The following PARL variants were observed in gnomAD, a reference collection of about 807,000 sequenced individuals.
The protein encoded by PARL is presenilin-associated rhomboid-like protein, mitochondrial.
In PARL, 44 loss-of-function variants were observed where a neutral mutation model predicts 51.6. That is an observed-to-expected ratio of 0.85 (90% CI 0.67 to 1.10). The LOEUF (loss-of-function observed/expected upper bound fraction) is 1.10. Among genes scored for constraint, PARL ranks in the 50% least tolerant of loss-of-function variants. The pLI is 0.00. For missense variants in PARL, 441 were observed against 469.5 expected (o/e 0.94, Z 0.56); for synonymous variants, 172 against 164.0 (o/e 1.05, Z -0.37).
At chr3:183,879,562 C>T (rs986997338) in intron 1 of PARL, 9 of 179,552 alleles carry the variant, frequency 5.0e-5, no homozygotes, top group Non-Finnish European at 8.6e-5. Context: ...TACCTCTACA[C>T]TTTTGAACTT....
chr3:183,826,797 G>A (rs1391374361), downstream of PARL: 1 of 985,170 alleles, frequency 1.0e-6, no homozygotes, highest in East Asian at 1.1e-4. Flanking sequence ...CCACGGCCCT[G>A]GGTTAGCCAG....
At chr3:183,878,027 G>C (rs571759838) in intron 1 of PARL, among the ~76,000 whole-genome samples, 1 of 152,292 alleles carries the variant, frequency 6.6e-6, no homozygotes, top group East Asian at 1.9e-4. Context: ...CTGAGCTCAA[G>C]TGATCCACCC....
intron 1 of PARL, among the ~76,000 whole-genome samples, chr3:183,874,496 C>G (rs1733570348): frequency 6.6e-6 from 1 of 151,496 alleles, no homozygotes; most frequent in Non-Finnish European, 1.5e-5. Flanking sequence ...GCAACCTCCA[C>G]CTCTCGGGTG....
At chr3:183,860,247 G>A (rs1731654472) in intron 4 of PARL, among the ~76,000 whole-genome samples, 1 of 152,126 alleles carries the variant, frequency 6.6e-6, no homozygotes, top group Admixed American at 6.6e-5. Context: ...CCAGGAAGAA[G>A]ACAAGACATA....
intron 9 of PARL, among the ~76,000 whole-genome samples, chr3:183,831,868 G>A (rs1041937930): frequency 2.6e-5 from 4 of 152,174 alleles, no homozygotes; most frequent in African/African-American, 7.2e-5. Context: ...ACAGTAAAGA[G>A]AAAGGATTCC....
chr3:183,866,525 T>G, intron 3 of PARL, 100 bp downstream of exon 3: 2 of 903,502 alleles, frequency 2.2e-6, no homozygotes, highest in Non-Finnish European at 3.7e-6. Context: ...TTACACATTA[T>G]GTGAATGCAT....
chr3:183,867,185 A>C (rs1032461029), intron 2 of PARL, among the ~76,000 whole-genome samples: 2 of 151,912 alleles, frequency 1.3e-5, no homozygotes, highest in African/African-American at 4.8e-5. Context: ...TGCTGGGATT[A>C]CAGGCATGAG....
intron 4 of PARL, chr3:183,862,536 T>A (rs1176861416): frequency 1.1e-5 from 6 of 552,334 alleles, no homozygotes; most frequent in African/African-American, 9.4e-5. Context: ...TCAATCAGTA[T>A]CATACTAAAT....
At chr3:183,854,018 C>G (rs1730854005) in intron 4 of PARL, among the ~76,000 whole-genome samples, 2 of 152,188 alleles carry the variant, frequency 1.3e-5, no homozygotes, top group South Asian at 4.2e-4. Flanking sequence ...GCAAGTGGAT[C>G]ACCTGAGGTC....
At chr3:183,827,906 G>A (rs1383648170), downstream of PARL, among the ~76,000 whole-genome samples, 3 of 152,238 alleles carry the variant, frequency 2.0e-5, no homozygotes, top group Non-Finnish European at 4.4e-5. Flanking sequence ...GAATGAGGGA[G>A]ACGGCAGCCA....
At chr3:183,882,247 A>ATATATATATATATT (rs1734582385) in intron 1 of PARL, among the ~76,000 whole-genome samples, 2 of 23,314 alleles carry the variant, frequency 8.6e-5, no homozygotes, top group Non-Finnish European at 2.2e-4. Context: ...ATATATATTT[A>ATATATATATATATT]TATATATATA....
At chr3:183,831,908 G>A (rs1433865001) in intron 9 of PARL, among the ~76,000 whole-genome samples, 1 of 152,110 alleles carries the variant, frequency 6.6e-6, no homozygotes, top group Non-Finnish European at 1.5e-5. Flanking sequence ...ACTTTAAAAT[G>A]CATTTGATCC....
rs56354792 is a variant in PARL, at chr3:183,836,217, C to CA, written c.829-2393dup. ...GGGCAACAAGAACGAAACTCCATCT[C>CA]AAAAAAAAAAAAAAAAAAAAAAAAA... is the stretch of plus-strand genomic sequence containing the variant. On this transcript the variant is annotated intron_variant, in intron 7 of 9. Transcript: ENST00000317096. Among the ~76,000 whole-genome samples the CA allele has an allele frequency of 7.2e-3, 610 of 84,220 alleles. 14 individuals are homozygous for CA. Among genetic ancestry groups the CA allele is most frequent in the Middle Eastern group, 0.012 (2 of 166 alleles). 55.3% of individuals were successfully genotyped at this position (84,220 alleles called of 152,430 possible). A position where few individuals can be genotyped will look rare whatever the true frequency, so the allele number is the denominator to read the frequency against.
intron 7 of PARL, among the ~76,000 whole-genome samples, chr3:183,834,886 C>CAAAAAAAAA (rs60078452): frequency 1.9e-3 from 208 of 107,906 alleles, no homozygotes; most frequent in African/African-American, 2.7e-3. Flanking sequence ...ACTAAAAATA[C>CAAAAAAAAA]AAAAAAAAAA....
At chr3:183,861,363 C>T (rs894075546) in intron 4 of PARL, 2 of 269,694 alleles carry the variant, frequency 7.4e-6, no homozygotes, top group Non-Finnish European at 1.1e-5. Context: ...GGTGCTGTCA[C>T]AAAATGAAAG....
At chr3:183,877,913 C>T (rs556213018) in intron 1 of PARL, among the ~76,000 whole-genome samples, 1 of 152,158 alleles carries the variant, frequency 6.6e-6, no homozygotes, top group Non-Finnish European at 1.5e-5. Flanking sequence ...GTCTCAGCCT[C>T]CTGAGTAGCT....
At chr3:183,846,582 G>T in intron 4 of PARL, 1 of 984,972 alleles carries the variant, frequency 1.0e-6, no homozygotes, top group South Asian at 4.7e-5. Flanking sequence ...CAATCCAAAC[G>T]CAAGAAGCTT....
intron 2 of PARL, among the ~76,000 whole-genome samples, chr3:183,867,499 G>C (rs949611727): frequency 6.6e-6 from 1 of 152,000 alleles, no homozygotes; most frequent in Non-Finnish European, 1.5e-5. Flanking sequence ...AGGAGATCGA[G>C]ACCATCCTGG....
chr3:183,862,755 G>C lies in PARL; in HGVS notation c.509C>G (p.Thr170Arg), dbSNP rs1731981738. 6.2e-7 allele frequency: 1 copy of C among 1,612,450 alleles called. No individual in the cohort carries two copies. Among genetic ancestry groups the C allele is most frequent in the Non-Finnish European group, 8.5e-7 (1 of 1,178,592 alleles). Residue 170 changes from threonine to arginine, a missense_variant and splice_region_variant, in exon 4 of 10, where the codon ACA becomes AGA. Transcript: ENST00000317096. ...AAAACGTGTAAGCTAACACAAACCT[G>C]TCACAGTCCGCTGGCCATCACTTAG... ...NNLSDGQRTV[T>R]GIIAANVLVF...
Sources: allele counts gnomAD v4.1 joint callset (sites outside exome capture counted in the v4.1 genomes callset), GRCh38; gene constraint gnomAD v4.1.1; transcripts MANE v1.5; gene names NCBI Gene and HGNC (gene_info 2026-07-23, HGNC 2026-07-21).